Variants in BBS12 observed in about 807,000 individuals in gnomAD.
BBS12 encodes the protein chaperonin-containing T-complex member BBS12.
A neutral mutation model predicts 5.6 loss-of-function variants in BBS12; 5 were observed. That is an observed-to-expected ratio of 0.89 (90% CI 0.46 to 1.86). The LOEUF is 1.86. Ranked by LOEUF, BBS12 falls within the 40% of genes most tolerant of loss-of-function variation. The pLI, the probability that BBS12 is intolerant of heterozygous loss-of-function variation, is 0.01. For synonymous variants in BBS12, 308 were observed against 306.8 expected (o/e 1.00, Z -0.04); for missense variants, 748 against 830.4 (o/e 0.90, Z 1.22).
At chr4:122,722,604 A>G in the BBS12 span, among the ~76,000 whole-genome samples, 2 of 152,136 alleles carry the variant, frequency 1.3e-5, no homozygotes, top group African/African-American at 4.8e-5. Flanking sequence ...AATGTAGAAG[A>G]CCTGTGTATC....
the BBS12 span, among the ~76,000 whole-genome samples, chr4:122,719,897 A>G: frequency 3.9e-5 from 6 of 152,188 alleles, no homozygotes; most frequent in Admixed American, 6.5e-5. Context: ...CTGAAAGAGG[A>G]AAACCTTAAT....
chr4:122,734,829 G>A (rs1246036975), intron 1 of BBS12, among the ~76,000 whole-genome samples: 1 of 152,136 alleles, frequency 6.6e-6, no homozygotes, highest in Non-Finnish European at 1.5e-5. Context: ...TGAATAGGAT[G>A]TAATTAGTTT....
chr4:122,705,038 C>G, the BBS12 span, among the ~76,000 whole-genome samples: 1 of 152,166 alleles, frequency 6.6e-6, no homozygotes, highest in South Asian at 2.1e-4. Context: ...CCTTAAGATG[C>G]CTTGAATTTG....
At chr4:122,712,622 G>A in the BBS12 span, among the ~76,000 whole-genome samples, 6 of 152,116 alleles carry the variant, frequency 3.9e-5, no homozygotes, top group Non-Finnish European at 7.4e-5. Context: ...AAATGCAAAC[G>A]AAAAATACAG....
the BBS12 span, among the ~76,000 whole-genome samples, chr4:122,727,072 T>C: frequency 6.6e-6 from 1 of 150,558 alleles, no homozygotes; most frequent in Admixed American, 6.6e-5. Context: ...ATACCACCTG[T>C]TCCCCCAAAA....
At chr4:122,722,128 A>C in the BBS12 span, among the ~76,000 whole-genome samples, 1 of 152,166 alleles carries the variant, frequency 6.6e-6, no homozygotes, top group Non-Finnish European at 1.5e-5. Context: ...ACTGGGGGTC[A>C]AATTTTCTTT....
At chr4:122,728,941 C>A (rs1038207639), upstream of BBS12, 1 of 152,224 alleles carries the variant, frequency 6.6e-6, no homozygotes, top group African/African-American at 2.4e-5. Flanking sequence ...GCACTTCTGT[C>A]CACTGCATCT....
intron 1 of BBS12, among the ~76,000 whole-genome samples, chr4:122,734,411 G>T (rs1179156269): frequency 1.3e-5 from 2 of 151,946 alleles, no homozygotes; most frequent in Admixed American, 1.3e-4. Context: ...GAGTACAGGC[G>T]CCCGCCACCG....
the BBS12 span, among the ~76,000 whole-genome samples, chr4:122,708,474 G>C: frequency 6.6e-6 from 1 of 152,074 alleles, no homozygotes; most frequent in South Asian, 2.1e-4. Flanking sequence ...CTTTGGAGGA[G>C]ATGGGGATAA....
At chr4:122,725,368 A>G in the BBS12 span, among the ~76,000 whole-genome samples, 1 of 152,220 alleles carries the variant, frequency 6.6e-6, no homozygotes, top group African/African-American at 2.4e-5. Flanking sequence ...AAACTATACT[A>G]TAAGCCCATA....
chr4:122,716,685 ATATGTG>A, the BBS12 span, among the ~76,000 whole-genome samples: 1 of 81,660 alleles, frequency 1.2e-5, no homozygotes, highest in African/African-American at 6.9e-5. Flanking sequence ...ATATATACAC[ATATGTG>A]TATGTGTGTG....
the BBS12 span, among the ~76,000 whole-genome samples, chr4:122,717,422 T>G: frequency 6.6e-6 from 1 of 152,224 alleles, no homozygotes; most frequent in Non-Finnish European, 1.5e-5. Context: ...TAGCTTATGT[T>G]TGTCTTTAAT....
the BBS12 span, among the ~76,000 whole-genome samples, chr4:122,707,976 T>TTCCTTCCTTCCTTCCTTC: frequency 3.1e-4 from 31 of 100,642 alleles, no homozygotes; most frequent in Non-Finnish European, 4.9e-4. Context: ...TTCCTTCCTT[T>TTCCTTCCTTCCTTCCTTC]CTTTCTTTCT....
rs1252473922 is a variant in BBS12 at position 122,742,601 on chromosome 4, T to C, written c.709T>C (p.Phe237Leu). 2.5e-6 allele frequency: 4 copies of C among 1,614,044 alleles called. No individual in the cohort carries two copies. The highest frequency in any genetic ancestry group is 3.4e-6 in the Non-Finnish European group (4 of 1,180,044). ...GTCAATACTAATCCACAGTAGGCAT[T>C]TTAATAGGACAGATAATACTGAAGG... ...RQSILIHSRH[F>L]NRTDNTEGVS... is the part of the protein sequence containing the mutation. Residue 237 changes from phenylalanine (F) to leucine (L), a missense_variant, in exon 2 of 2, where the codon TTT becomes CTT. By Grantham distance (22) the Phe-to-Leu change is conservative (BLOSUM62 0). Coordinates refer to ENST00000314218, the MANE Select transcript of BBS12 (RefSeq NM_152618.3).
In BBS12 at chr4:122,738,888, T is replaced by G. The variant is rs566724864; in HGVS notation, c.-10-2995T>G. 2.7e-4 allele frequency among the ~76,000 whole-genome samples: 41 copies of G among 152,348 alleles called. 1 individual carries two copies. In the South Asian group the frequency reaches 8.1e-3, roughly 30 times the overall value. On this transcript the variant is annotated intron_variant, in intron 1 of 1. Transcript: ENST00000314218. Reference sequence around the variant, plus strand: ...AGTGTTCAGTATACTGGACTGAATATTTCCCCCCAGTTCATGTCCTTCTAG... The same window carrying G: ...AGTGTTCAGTATACTGGACTGAATAGTTCCCCCCAGTTCATGTCCTTCTAG...
Position 122,744,307 on chromosome 4 carries a change from T to C in BBS12, c.*282T>C. ...AAAAGCTGTAGCCAGAGCTTCATGTTGGTTTTATTCAGTTCCTCATTTTTC... is the reference window on the plus strand; with the variant it reads ...AAAAGCTGTAGCCAGAGCTTCATGTCGGTTTTATTCAGTTCCTCATTTTTC... On this transcript the variant is annotated 3_prime_UTR_variant, in exon 2 of 2. Transcript: ENST00000314218. 1 of 379,440 alleles carries C rather than the reference T, an allele frequency of 2.6e-6. No homozygotes were observed. 23.5% of individuals were successfully genotyped at this position (379,440 alleles called of 1,614,324 possible).
upstream of BBS12, chr4:122,731,162 C>T (rs1365453260): frequency 2.0e-5 from 3 of 152,122 alleles, no homozygotes; most frequent in South Asian, 2.1e-4. Context: ...ACAGGGTGGT[C>T]CAGAATGCAT....
chr4:122,732,455 A>C (rs977515448), upstream of BBS12: 7 of 152,156 alleles, frequency 4.6e-5, no homozygotes, highest in Non-Finnish European at 7.3e-5. Flanking sequence ...CTCAGCCGGG[A>C]CCTCCCGGCG....
At chr4:122,727,914 A>G (rs900630256), upstream of BBS12, among the ~76,000 whole-genome samples, 4 of 152,178 alleles carry the variant, frequency 2.6e-5, no homozygotes, top group Non-Finnish European at 2.9e-5. Flanking sequence ...ACAAAAAGGA[A>G]TAGACAAATA....
Sources: allele counts gnomAD v4.1 joint callset (sites outside exome capture counted in the v4.1 genomes callset), GRCh38; gene constraint gnomAD v4.1.1; transcripts MANE v1.5; gene names NCBI Gene and HGNC (gene_info 2026-07-23, HGNC 2026-07-21).